Variants in SMAGP observed in about 807,000 individuals in gnomAD.
The protein encoded by SMAGP is small cell adhesion glycoprotein.
In SMAGP, 7 loss-of-function variants were observed where a neutral mutation model predicts 10.1. The ratio of observed to expected loss-of-function variants is 0.70; its 90% CI spans 0.40 to 1.31. The LOEUF (loss-of-function observed/expected upper bound fraction) is 1.31, where lower values mean the gene tolerates loss of function less well. SMAGP is among the 50% of genes most tolerant of loss of function. The probability of loss-of-function intolerance (pLI) is 0.01; values close to 1 mark genes in which losing one functional copy is unlikely to be tolerated. For synonymous variants in SMAGP, 49 were observed against 47.2 expected, an observed-to-expected ratio of 1.04 and a Z score of -0.16; for missense variants, 113 against 116.5, an observed-to-expected ratio of 0.97 and a Z score of 0.14.
intron 2 of SMAGP, among the ~76,000 whole-genome samples, chr12:51,256,921 G>C (rs1944890796): frequency 6.6e-6 from 1 of 152,074 alleles, no homozygotes; most frequent in Admixed American, 6.6e-5. Flanking sequence ...GGAGACTGGG[G>C]AGTAGCAGCC....
At chr12:51,247,654 T>C (rs768487641) in intron 2 of SMAGP, among the ~76,000 whole-genome samples, 2 of 152,214 alleles carry the variant, frequency 1.3e-5, no homozygotes, top group Non-Finnish European at 2.9e-5. Flanking sequence ...TAGAGGTTAC[T>C]GCAGGATAGA....
intron 2 of SMAGP, among the ~76,000 whole-genome samples, chr12:51,267,211 CT>C (rs1419062947): frequency 6.6e-6 from 1 of 152,142 alleles, no homozygotes; most frequent in Non-Finnish European, 1.5e-5. Flanking sequence ...CCTTTTTTCC[CT>C]TGTGGGCAGG....
chr12:51,253,937 A>T (rs984083689), intron 2 of SMAGP, among the ~76,000 whole-genome samples: 1 of 152,188 alleles, frequency 6.6e-6, no homozygotes, highest in African/African-American at 2.4e-5. Flanking sequence ...ACATTGTATG[A>T]TTCCACTTAT....
intron 3 of SMAGP, 64 bp downstream of exon 3, chr12:51,246,687 C>T (rs1224802883): frequency 3.8e-6 from 5 of 1,323,614 alleles, no homozygotes; most frequent in Non-Finnish European, 4.1e-6. Context: ...TTTGGTCAGG[C>T]TCCCTCTGGA....
At chr12:51,256,443 C>T (rs984194528) in intron 2 of SMAGP, among the ~76,000 whole-genome samples, 1 of 151,928 alleles carries the variant, frequency 6.6e-6, no homozygotes, top group East Asian at 1.9e-4. Flanking sequence ...ACAAACAAGC[C>T]GGGCGCGGTG....
intron 2 of SMAGP, among the ~76,000 whole-genome samples, chr12:51,253,900 T>C (rs998327910): frequency 2.0e-5 from 3 of 152,098 alleles, no homozygotes; most frequent in African/African-American, 7.2e-5. Context: ...AGCGAGACTC[T>C]GTCTCAAACA....
intron 2 of SMAGP, among the ~76,000 whole-genome samples, chr12:51,258,997 A>C (rs1565659344): frequency 1.4e-5 from 2 of 145,872 alleles, no homozygotes; most frequent in East Asian, 1.9e-4. Context: ...AAAAAAAAAA[A>C]AAAAAAAAAA....
chr12:51,269,029 CA>C (rs1945002546), intron 2 of SMAGP, among the ~76,000 whole-genome samples: 1 of 152,134 alleles, frequency 6.6e-6, no homozygotes, highest in Admixed American at 6.6e-5. Flanking sequence ...ACCGAGGTTA[CA>C]AAGATTTGTG....
intron 2 of SMAGP, among the ~76,000 whole-genome samples, chr12:51,260,202 G>GTT (rs1944918908): frequency 7.1e-6 from 1 of 140,124 alleles, no homozygotes; most frequent in Non-Finnish European, 1.6e-5. Context: ...GGGTGTCATG[G>GTT]TTTCTTTTTT....
intron 2 of SMAGP, among the ~76,000 whole-genome samples, chr12:51,264,880 C>T (rs1406778516): frequency 2.8e-5 from 4 of 145,106 alleles, no homozygotes; most frequent in East Asian, 4.0e-4. Context: ...TGCAGTGAGC[C>T]GAGATGGTGC....
chr12:51,248,872 C>T (rs1043818848), intron 2 of SMAGP, among the ~76,000 whole-genome samples: 3 of 130,002 alleles, frequency 2.3e-5, no homozygotes, highest in Non-Finnish European at 4.6e-5. Context: ...GGAAACATGG[C>T]GAAATCCTGT....
chr12:51,248,426 A>ACTCTCTCTCTCTCTCTCTCT (rs1944801847), intron 2 of SMAGP, among the ~76,000 whole-genome samples: 1 of 112,240 alleles, frequency 8.9e-6, no homozygotes, highest in African/African-American at 3.8e-5. Context: ...ACACACACAC[A>ACTCTCTCTCTCTCTCTCTCT]CACACACACT....
At chr12:51,261,645 T>C (rs547919031) in intron 2 of SMAGP, among the ~76,000 whole-genome samples, 10 of 152,246 alleles carry the variant, frequency 6.6e-5, no homozygotes, top group Non-Finnish European at 1.3e-4. Context: ...GAATGGTTAG[T>C]TGAACTAGCT....
intron 2 of SMAGP, among the ~76,000 whole-genome samples, chr12:51,256,295 G>T (rs1944883698): frequency 6.6e-6 from 1 of 152,110 alleles, no homozygotes; most frequent in Non-Finnish European, 1.5e-5. Context: ...ATGAAGATTA[G>T]AATTTGGAGG....
chr12:51,260,579 C>T (rs1380150414), intron 2 of SMAGP, among the ~76,000 whole-genome samples: 2 of 150,750 alleles, frequency 1.3e-5, no homozygotes, highest in East Asian at 1.9e-4. Flanking sequence ...AGGGTTTCAC[C>T]GTGTTAGCCA....
At chr12:51,264,243 A>C (rs965846526) in intron 2 of SMAGP, among the ~76,000 whole-genome samples, 2 of 152,196 alleles carry the variant, frequency 1.3e-5, no homozygotes, top group African/African-American at 4.8e-5. Flanking sequence ...TGTGATTTCT[A>C]TTCTTTTGTC....
intron 2 of SMAGP, among the ~76,000 whole-genome samples, chr12:51,250,892 C>G (rs1237687015): frequency 6.6e-6 from 1 of 152,148 alleles, no homozygotes; most frequent in Non-Finnish European, 1.5e-5. Flanking sequence ...TGACTCCCAT[C>G]AAAGGGAAGC....
chr12:51,269,663 A>T, intron 1 of SMAGP: 1 of 202,756 alleles, frequency 4.9e-6, no homozygotes, highest in Non-Finnish European at 1.0e-5. Context: ...GCGCGGTAAC[A>T]GGTACCCTAG....
In SMAGP at chr12:51,269,148, G is replaced by A. The variant is rs576788018; in HGVS notation, c.34+97C>T. ...GTGTGAGGCAGGCAGAGAGAGGTGG[G>A]AGTCTTCCCACCTGGGCTGAGGCTT... On this transcript the variant is annotated intron_variant, in intron 2 of 3. Transcript: ENST00000603798. The A allele has an allele frequency of 7.9e-5, 106 of 1,346,036 alleles. No homozygotes were observed. The African/African-American group carries it at 1.3e-3, about 17-fold the overall frequency. 83.4% of individuals were successfully genotyped at this position (1,346,036 alleles called of 1,614,324 possible).
Sources: gnomAD v4.1 joint callset for allele counts (sites outside exome capture counted in the v4.1 genomes callset) on GRCh38, gnomAD v4.1.1 for gene constraint, MANE v1.5 for transcripts, NCBI Gene and HGNC (gene_info 2026-07-23, HGNC 2026-07-21) for gene names.